The following PTPRK variants were observed in gnomAD, a reference collection of about 807,000 sequenced individuals.
PTPRK encodes receptor-type tyrosine-protein phosphatase kappa.
A neutral mutation model predicts 178.0 loss-of-function variants in PTPRK; 75 were observed. The observed-to-expected ratio is 0.42, with a 90% CI of 0.35 to 0.51. PTPRK has a LOEUF of 0.51. PTPRK is among the 20% of genes least tolerant of loss of function. PTPRK has a pLI of 0.02. For missense variants in PTPRK, 1,441 were observed against 1,797.8 expected (o/e 0.80, Z 3.59); for synonymous variants, 637 against 620.6 (o/e 1.03, Z -0.39).
Position 128,491,861 on chromosome 6 carries a change from A to C in PTPRK, c.100+28398T>G, listed in dbSNP as rs764775295. ...CACAAGCACAGACACTGAAAACGAA[A>C]GCGGCTTGGTAACTAACAGGCTAAT... On this transcript the variant is annotated intron_variant, in intron 1 of 29. Coordinates refer to ENST00000368226, the MANE Select transcript of PTPRK (RefSeq NM_002844.4). 1.4e-5 allele frequency: 7 copies of C among 504,410 alleles called. No individual in the cohort carries two copies. In the East Asian group the frequency reaches 3.9e-4, roughly 28 times the overall value. The allele number at this position is 504,410 out of a possible 1,614,324, so 31.2% of individuals were successfully genotyped here. A position where few individuals can be genotyped will look rare whatever the true frequency, so the allele number is the denominator to read the frequency against.
chr6:128,156,880 C>T (rs532425269), intron 7 of PTPRK, among the ~76,000 whole-genome samples: 2 of 151,854 alleles, frequency 1.3e-5, no homozygotes, highest in Admixed American at 6.6e-5. Context: ...TTTAAGAACA[C>T]GATTTGTAAA....
chr6:128,385,062 T>C (rs1411531174), intron 2 of PTPRK, among the ~76,000 whole-genome samples: 4 of 148,318 alleles, frequency 2.7e-5, no homozygotes, highest in African/African-American at 9.8e-5. Context: ...TTTTTAAATA[T>C]CAAAATTACT....
intron 3 of PTPRK, among the ~76,000 whole-genome samples, chr6:128,307,281 G>T (rs556019775): frequency 1.3e-5 from 2 of 150,044 alleles, no homozygotes; most frequent in East Asian, 3.9e-4. Flanking sequence ...CATGAATCCA[G>T]CACTAAGGAA....
At chr6:128,109,127 T>G (rs1044040872) in intron 7 of PTPRK, among the ~76,000 whole-genome samples, 6 of 152,142 alleles carry the variant, frequency 3.9e-5, no homozygotes, top group Admixed American at 2.0e-4. Context: ...ATTTATACTG[T>G]TAAAACAATA....
chr6:128,507,138 G>A (rs1473168133), intron 1 of PTPRK, among the ~76,000 whole-genome samples: 3 of 152,062 alleles, frequency 2.0e-5, no homozygotes, highest in African/African-American at 7.2e-5. Flanking sequence ...TCCAATGTCC[G>A]CACTCTTAAA....
chr6:128,076,952 A>G (rs1222645793), intron 11 of PTPRK, among the ~76,000 whole-genome samples: 3 of 152,036 alleles, frequency 2.0e-5, no homozygotes, highest in Admixed American at 2.0e-4. Flanking sequence ...ATAATAAATG[A>G]TCAATCAATG....
At chr6:128,359,436 CTGTT>C (rs1246669699) in intron 2 of PTPRK, among the ~76,000 whole-genome samples, 1 of 151,850 alleles carries the variant, frequency 6.6e-6, no homozygotes, top group African/African-American at 2.4e-5. Context: ...TGAAAGTTAT[CTGTT>C]TGTTTTTGTA....
chr6:128,071,775 T>A (rs1196032225), intron 11 of PTPRK, among the ~76,000 whole-genome samples: 3 of 152,042 alleles, frequency 2.0e-5, no homozygotes, highest in Non-Finnish European at 4.4e-5. Context: ...AAAACAGCTA[T>A]AAAAATAACA....
intron 2 of PTPRK, among the ~76,000 whole-genome samples, chr6:128,365,397 A>G (rs1174667734): frequency 6.6e-6 from 1 of 152,126 alleles, no homozygotes; most frequent in Admixed American, 6.6e-5. Context: ...TTGAATAGAG[A>G]TAAGAGAAAG....
intron 3 of PTPRK, among the ~76,000 whole-genome samples, chr6:128,249,730 G>A (rs1816141392): frequency 6.6e-6 from 1 of 152,106 alleles, no homozygotes; most frequent in Non-Finnish European, 1.5e-5. Flanking sequence ...CCTTGAAAGT[G>A]GAGAGAGCAA....
chr6:128,489,746 T>A (rs141932159), intron 1 of PTPRK, among the ~76,000 whole-genome samples: 1 of 152,238 alleles, frequency 6.6e-6, no homozygotes, highest in Non-Finnish European at 1.5e-5. Context: ...AAGTTTTGTT[T>A]TCCTATACAA....
chr6:128,006,183 T>C (rs1042272102), intron 14 of PTPRK: 4 of 680,932 alleles, frequency 5.9e-6, no homozygotes, highest in Non-Finnish European at 8.7e-6. Flanking sequence ...AAATTCATGT[T>C]TTTTTTGCTT....
intron 2 of PTPRK, among the ~76,000 whole-genome samples, chr6:128,329,600 T>G (rs184422150): frequency 3.9e-5 from 6 of 152,242 alleles, no homozygotes; most frequent in African/African-American, 1.4e-4. Context: ...AGTTCCAATC[T>G]GAGTCCAAGT....
chr6:128,395,597 AG>A (rs1362360100), intron 2 of PTPRK, among the ~76,000 whole-genome samples: 7 of 152,174 alleles, frequency 4.6e-5, no homozygotes, highest in Non-Finnish European at 8.8e-5. Flanking sequence ...TTATATGAAA[AG>A]TTTAGTCTAA....
intron 3 of PTPRK, among the ~76,000 whole-genome samples, chr6:128,251,526 T>C (rs1374862511): frequency 3.9e-5 from 6 of 152,184 alleles, no homozygotes; most frequent in African/African-American, 2.4e-5. Context: ...ATCAGGATTT[T>C]ACTATCTACA....
intron 1 of PTPRK, among the ~76,000 whole-genome samples, chr6:128,485,617 T>C (rs765361791): frequency 3.9e-5 from 6 of 152,188 alleles, no homozygotes; most frequent in Non-Finnish European, 5.9e-5. Context: ...GCACAGTTGC[T>C]GTCCCCATGA....
intron 1 of PTPRK, among the ~76,000 whole-genome samples, chr6:128,450,550 GTCTTT>G (rs1327943420): frequency 6.6e-6 from 1 of 152,148 alleles, no homozygotes; most frequent in East Asian, 1.9e-4. Flanking sequence ...CCCTCCTGGG[GTCTTT>G]GAGGTCAAAA....
At chr6:128,420,533 T>C (rs1349686314) in intron 1 of PTPRK, among the ~76,000 whole-genome samples, 1 of 152,210 alleles carries the variant, frequency 6.6e-6, no homozygotes, top group Non-Finnish European at 1.5e-5. Flanking sequence ...GCCCTCAGAA[T>C]GCTTAGAGCT....
At chr6:128,517,240 C>T (rs893092085) in intron 1 of PTPRK, among the ~76,000 whole-genome samples, 14 of 152,084 alleles carry the variant, frequency 9.2e-5, no homozygotes, top group South Asian at 2.1e-4. Context: ...ATTTACAGTG[C>T]TAGTTCCCAT....
Sources: gnomAD v4.1 joint callset for allele counts (sites outside exome capture counted in the v4.1 genomes callset) on GRCh38, gnomAD v4.1.1 for gene constraint, MANE v1.5 for transcripts, NCBI Gene and HGNC (gene_info 2026-07-23, HGNC 2026-07-21) for gene names.